GIGYF2: variants seen among roughly 807,000 people sequenced by gnomAD.
The protein encoded by GIGYF2 is GRB10-interacting GYF protein 2.
A neutral mutation model predicts 208.1 loss-of-function variants in GIGYF2; 25 were observed. The ratio of observed to expected loss-of-function variants is 0.12; its 90% CI spans 0.09 to 0.17. The LOEUF is 0.17. Among genes scored for constraint, GIGYF2 ranks in the 10% least tolerant of loss-of-function variants. The pLI is 1.00. For missense variants in GIGYF2, 1,302 were observed against 1,579.4 expected (o/e 0.82, Z 2.98); for synonymous variants, 534 against 543.8 (o/e 0.98, Z 0.25).
In GIGYF2 at chr2:232,753,209, C is replaced by T. The variant is rs191327900; in HGVS notation, c.268-3014C>T. ...TGTGATCTTGGCTCACTGCAACCTC[C>T]GCTTCTCGGGTTCAAGTAATTCTTC... On this transcript the variant is annotated intron_variant, in intron 5 of 28. Transcript: ENST00000373563. Among the ~76,000 whole-genome samples, 347 of 151,764 alleles carry T rather than the reference C, an allele frequency of 2.3e-3. 1 individual carries two copies. The highest frequency in any genetic ancestry group is 8.1e-3 in the African/African-American group (334 of 41,370).
chr2:232,727,147 G>A (rs1272378915), intron 2 of GIGYF2, among the ~76,000 whole-genome samples: 1 of 152,122 alleles, frequency 6.6e-6, no homozygotes, highest in African/African-American at 2.4e-5. Context: ...TGTATTTTTA[G>A]TAGAGACAGG....
chr2:232,805,305 G>A (rs1393484923), intron 14 of GIGYF2, among the ~76,000 whole-genome samples: 3 of 152,050 alleles, frequency 2.0e-5, no homozygotes, highest in South Asian at 4.2e-4. Context: ...TGGTGGTTAC[G>A]TCTTCAATTT....
chr2:232,726,556 CAGTG>C (rs2106282057), intron 2 of GIGYF2, among the ~76,000 whole-genome samples: 1 of 152,054 alleles, frequency 6.6e-6, no homozygotes, highest in African/African-American at 2.4e-5. Context: ...GCCTGGGTAA[CAGTG>C]AGACCCTGTC....
chr2:232,850,968 C>G (rs1690291799), intron 28 of GIGYF2, among the ~76,000 whole-genome samples: 2 of 152,116 alleles, frequency 1.3e-5, no homozygotes, highest in Admixed American at 1.3e-4. Context: ...CTATGGGATG[C>G]TGGGATTTCA....
intron 12 of GIGYF2, 135 bp from the exon 13 acceptor site, chr2:232,794,613 G>A: frequency 1.3e-6 from 1 of 742,982 alleles, no homozygotes; most frequent in Non-Finnish European, 2.4e-6. Flanking sequence ...CTCCATAGAA[G>A]TAGCTTCACT....
chr2:232,746,141 C>T (rs989546184), intron 3 of GIGYF2, among the ~76,000 whole-genome samples: 6 of 150,572 alleles, frequency 4.0e-5, no homozygotes, highest in African/African-American at 1.5e-4. Context: ...CTTTTTGGTG[C>T]ATTTATGAAA....
At position 232,793,413 on chromosome 2, in the gene GIGYF2, A is replaced by G. The variant is rs1700128831; in HGVS notation, c.1283-1335A>G. ...CTGGATATCAGGGTAAAGAAGAGGGAAGAGCCAAAGAGGATTATAAGAGGA... is the reference window on the plus strand; with the variant it reads ...CTGGATATCAGGGTAAAGAAGAGGGGAGAGCCAAAGAGGATTATAAGAGGA... On this transcript the variant is annotated intron_variant, in intron 12 of 28. Coordinates refer to ENST00000373563, the MANE Select transcript of GIGYF2 (RefSeq NM_001103146.3). 3.3e-5 allele frequency among the ~76,000 whole-genome samples: 5 copies of G among 152,138 alleles called. No individual in the cohort carries two copies. In the South Asian group the frequency reaches 1.0e-3, roughly 31 times the overall value.
chr2:232,859,895 T>C lies in GIGYF2; in HGVS notation c.*3035T>C, dbSNP rs1025015296. 1.3e-5 allele frequency: 2 copies of C among 152,000 alleles called. No individual in the cohort carries two copies. The highest frequency in any genetic ancestry group is 4.8e-5 in the African/African-American group (2 of 41,392). 9.4% of individuals were successfully genotyped at this position (152,000 alleles called of 1,614,324 possible). A position where few individuals can be genotyped will look rare whatever the true frequency, so the allele number is the denominator to read the frequency against. On this transcript the variant is annotated 3_prime_UTR_variant, in exon 29 of 29. Transcript: ENST00000373563. ...GAAGCTGTGTTACCTTTTTGAGCTCTTAGCTCAGGAGTCACATAGAGTCAC... is the reference window on the plus strand; with the variant it reads ...GAAGCTGTGTTACCTTTTTGAGCTCCTAGCTCAGGAGTCACATAGAGTCAC...
intron 15 of GIGYF2, among the ~76,000 whole-genome samples, chr2:232,807,676 A>AT (rs1559447102): frequency 6.6e-6 from 1 of 152,066 alleles, no homozygotes; most frequent in Non-Finnish European, 1.5e-5. Context: ...CCTGTACCTC[A>AT]TTTTTTCTTC....
intron 1 of GIGYF2, among the ~76,000 whole-genome samples, chr2:232,702,840 G>C (rs185464464): frequency 1.3e-5 from 2 of 152,336 alleles, no homozygotes; most frequent in African/African-American, 4.8e-5. Flanking sequence ...TGTCACCCAG[G>C]CTGGAGTGCA....
chr2:232,836,306 A>C (rs1434742517), intron 22 of GIGYF2, among the ~76,000 whole-genome samples: 579 of 20,156 alleles, frequency 0.029, 167 homozygotes, highest in African/African-American at 0.09. Context: ...ATATATATAT[A>C]TATATATATA....
intron 8 of GIGYF2, chr2:232,767,551 T>C (rs1374102113): frequency 6.5e-6 from 1 of 152,988 alleles, no homozygotes; most frequent in Non-Finnish European, 1.5e-5. Context: ...CACAAATAAG[T>C]GAACATATAT....
In GIGYF2 at chr2:232,847,432, C is replaced by A. The variant is rs776773928; in HGVS notation, c.3545C>A (p.Ser1182Tyr). Reference protein sequence around the residue: ...DYIRAYLGDTSEAKEFAKQFL... With the variant: ...DYIRAYLGDTYEAKEFAKQFL... ...ATCAGGGCCTATTTAGGAGATACTT[C>A]TGAGGCCAAGGAGTTTGCCAAGCAG... The change falls in exon 27 of 29, where the codon TCT (serine) becomes TAT (tyrosine). Residue 1182 changes from serine to tyrosine, a missense_variant. By Grantham distance (144) the Ser-to-Tyr change is moderately radical. Transcript: ENST00000373563. The A allele has an allele frequency of 6.2e-7, 1 of 1,613,916 alleles. No individual in the cohort carries two copies. Among genetic ancestry groups the A allele is most frequent in the South Asian group, 1.1e-5 (1 of 91,066 alleles).
chr2:232,785,474 T>G (rs192698260), intron 8 of GIGYF2, among the ~76,000 whole-genome samples: 1 of 152,300 alleles, frequency 6.6e-6, no homozygotes, highest in Non-Finnish European at 1.5e-5. Flanking sequence ...CTCCACGAGG[T>G]CTGTGTCACT....
chr2:232,790,890 C>T lies in GIGYF2; in HGVS notation c.905C>T (p.Ser302Leu). ...GAAGAAGAAATGGGTACATTTGACT[C>T]ATCTGGAGCATTCCTTTCTCTAAAA... ...DAEEEMGTFDSSGAFLSLKKV... is the reference protein window; with the variant it reads ...DAEEEMGTFDLSGAFLSLKKV... The change falls in exon 10 of 29, where the codon TCA becomes TTA. Residue 302 changes from serine (S) to leucine (L), a missense_variant. This residue lies in a region of GIGYF2 where 235 missense variants were observed against 218.8 expected (regional missense o/e 1.07). Transcript: ENST00000373563. 1.2e-6 allele frequency: 2 copies of T among 1,614,008 alleles called. No homozygotes were observed. Among genetic ancestry groups the T allele is most frequent in the Non-Finnish European group, 8.5e-7 (1 of 1,179,868 alleles).
intron 18 of GIGYF2, among the ~76,000 whole-genome samples, chr2:232,813,018 A>C (rs994085606): frequency 6.6e-6 from 1 of 151,820 alleles, no homozygotes; most frequent in Admixed American, 6.6e-5. Context: ...AAAAAAAAGT[A>C]ATTGGTGTTA....
intron 20 of GIGYF2, 121 bp from the exon 21 acceptor site, chr2:232,819,706 G>T: frequency 1.5e-6 from 1 of 647,184 alleles, no homozygotes; most frequent in Non-Finnish European, 2.8e-6. Context: ...TTACTTTTAT[G>T]TTTACTGTTT....
At chr2:232,757,989 T>G (rs954811035) in intron 6 of GIGYF2, among the ~76,000 whole-genome samples, 2 of 152,232 alleles carry the variant, frequency 1.3e-5, no homozygotes, top group Non-Finnish European at 2.9e-5. Flanking sequence ...CATATTAATG[T>G]TGAAGAATGG....
At chr2:232,809,377 A>C (rs979613979) in intron 15 of GIGYF2, among the ~76,000 whole-genome samples, 1 of 152,140 alleles carries the variant, frequency 6.6e-6, no homozygotes, top group African/African-American at 2.4e-5. Context: ...CAGTTTCTCT[A>C]ATTTCTACAT....
Sources: allele counts gnomAD v4.1 joint callset (sites outside exome capture counted in the v4.1 genomes callset), GRCh38; gene constraint gnomAD v4.1.1; regional missense constraint gnomAD v4.1.1; transcripts MANE v1.5; gene names NCBI Gene and HGNC (gene_info 2026-07-23, HGNC 2026-07-21).